SH3KBP1: variants seen among roughly 807,000 people sequenced by gnomAD.
SH3KBP1 encodes SH3 domain containing kinase binding protein 1.
SH3KBP1 carries 8 observed loss-of-function variants against 50.1 expected under a neutral mutation model. The ratio of observed to expected loss-of-function variants is 0.16; its 90% CI spans 0.09 to 0.29. The LOEUF is 0.29. Ranked by LOEUF, SH3KBP1 falls within the 10% of genes least tolerant of loss-of-function variation. The probability of loss-of-function intolerance (pLI) is 1.00; values close to 1 mark genes in which losing one functional copy is unlikely to be tolerated. For synonymous variants in SH3KBP1, 227 were observed against 218.6 expected (o/e 1.04, Z -0.34); for missense variants, 377 against 535.2 (o/e 0.70, Z 2.92).
At chrX:19,800,897 GC>G (rs780164324) in intron 2 of SH3KBP1, among the ~76,000 whole-genome samples, 70 of 111,047 alleles carry the variant, frequency 6.3e-4, no homozygotes, top group Non-Finnish European at 1.1e-3. Flanking sequence ...CATAAAAAAG[GC>G]CCCCAAGTGA....
intron 3 of SH3KBP1, among the ~76,000 whole-genome samples, chrX:19,739,693 C>A (rs2064710955): frequency 9.1e-6 from 1 of 109,625 alleles, no homozygotes; most frequent in Non-Finnish European, 1.9e-5. Flanking sequence ...AGCAAAAGGG[C>A]TAAAAAAATC....
chrX:19,573,915 A>C (rs1324557538), intron 12 of SH3KBP1, among the ~76,000 whole-genome samples: 1 of 111,479 alleles, frequency 9.0e-6, no homozygotes, highest in Non-Finnish European at 1.9e-5. Context: ...TTCATCAACA[A>C]AATGACTGGT....
At chrX:19,825,302 C>T (rs890530312) in intron 2 of SH3KBP1, among the ~76,000 whole-genome samples, 1 of 112,145 alleles carries the variant, frequency 8.9e-6, no homozygotes, top group Non-Finnish European at 1.9e-5. Context: ...ATTTAAAATG[C>T]AGACAGAAAT....
intron 2 of SH3KBP1, among the ~76,000 whole-genome samples, chrX:19,826,832 G>A (rs1188843663): frequency 1.8e-5 from 2 of 111,253 alleles, no homozygotes; most frequent in African/African-American, 3.3e-5. Context: ...CAAAATTAAT[G>A]GCCCTTGAGT....
chrX:19,775,286 C>T (rs1053235862), intron 2 of SH3KBP1, among the ~76,000 whole-genome samples: 31 of 111,990 alleles, frequency 2.8e-4, no homozygotes, highest in African/African-American at 8.8e-4. Flanking sequence ...GGAAAGCCGA[C>T]GACATCACAG....
intron 3 of SH3KBP1, among the ~76,000 whole-genome samples, chrX:19,724,193 A>C (rs1231171265): frequency 2.7e-5 from 3 of 111,114 alleles, no homozygotes; most frequent in Non-Finnish European, 5.7e-5. Context: ...TAAATCTAGA[A>C]AGTGTCAGTC....
At chrX:19,873,251 T>C (rs1182846074) in intron 1 of SH3KBP1, among the ~76,000 whole-genome samples, 2 of 102,029 alleles carry the variant, frequency 2.0e-5, no homozygotes, top group African/African-American at 7.3e-5. Flanking sequence ...CAAAGATGAC[T>C]ATGAAGTGGA....
Position 19,535,006 on chromosome X carries a change from GAA to G in SH3KBP1, c.*1409_*1410del, listed in dbSNP as rs2064671704. 1 of 295,977 alleles carries G rather than the reference GAA, an allele frequency of 3.4e-6. No individual in the cohort carries two copies. Among genetic ancestry groups the G allele is most frequent in the African/African-American group, 2.7e-5 (1 of 36,431 alleles). The allele number at this position is 295,977 out of a possible 1,213,427, so 24.4% of individuals were successfully genotyped here. On this transcript the variant is annotated 3_prime_UTR_variant, in exon 18 of 18. Coordinates refer to ENST00000397821, the MANE Select transcript of SH3KBP1 (RefSeq NM_031892.3). ...TTAGTAGTTTCACTATTAAACTCAG[GAA>G]AGAGACAAAGCAGCTTTTGAGAAAC...
At chrX:19,637,844 C>T (rs146535698) in intron 7 of SH3KBP1, among the ~76,000 whole-genome samples, 41 of 108,756 alleles carry the variant, frequency 3.8e-4, no homozygotes, top group African/African-American at 1.3e-3. Context: ...TTTGGGAGGC[C>T]GAGGCAGGCA....
At chrX:19,824,419 C>T (rs2067615394) in intron 2 of SH3KBP1, among the ~76,000 whole-genome samples, 1 of 111,563 alleles carries the variant, frequency 9.0e-6, no homozygotes, top group Non-Finnish European at 1.9e-5. Context: ...TTAGATCAAG[C>T]AGCAGAATCA....
At chrX:19,709,237 C>A (rs2063722371) in intron 3 of SH3KBP1, among the ~76,000 whole-genome samples, 1 of 111,949 alleles carries the variant, frequency 8.9e-6, no homozygotes, top group South Asian at 3.7e-4. Flanking sequence ...TAAAGTCCTA[C>A]AAAGCTCACT....
Position 19,534,656 on chromosome X carries a change from G to A in SH3KBP1, c.*1761C>T, listed in dbSNP as rs1221911090. 3.5e-5 allele frequency: 10 copies of A among 284,386 alleles called. No individual in the cohort carries two copies. The highest frequency in any genetic ancestry group is 5.5e-5 in the Non-Finnish European group (9 of 163,362). 23.4% of individuals were successfully genotyped at this position (284,386 alleles called of 1,213,427 possible). ...TGACCCCAAGCACACTGAACCCGAGGCTGCTGAAAAGGCAATATATCCAGG... is the reference window on the plus strand; with the variant it reads ...TGACCCCAAGCACACTGAACCCGAGACTGCTGAAAAGGCAATATATCCAGG... On this transcript the variant is annotated 3_prime_UTR_variant, in exon 18 of 18. Transcript: ENST00000397821.
At chrX:19,772,451 C>T (rs1026612898) in intron 2 of SH3KBP1, among the ~76,000 whole-genome samples, 8 of 110,931 alleles carry the variant, frequency 7.2e-5, no homozygotes, top group African/African-American at 2.6e-4. Flanking sequence ...AAAAATAAGG[C>T]CCAAACAGCC....
chrX:19,741,529 T>A (rs896049291), intron 3 of SH3KBP1, among the ~76,000 whole-genome samples: 1 of 111,886 alleles, frequency 8.9e-6, no homozygotes, highest in African/African-American at 3.3e-5. Flanking sequence ...CAAAAAATAG[T>A]AAATGTGCAA....
At chrX:19,780,240 C>T (rs1187725445) in intron 2 of SH3KBP1, among the ~76,000 whole-genome samples, 2 of 104,916 alleles carry the variant, frequency 1.9e-5, no homozygotes, top group Non-Finnish European at 3.9e-5. Flanking sequence ...TAAATGTCTT[C>T]TTTTGAGAAG....
chrX:19,844,202 G>A (rs184372572), intron 1 of SH3KBP1, among the ~76,000 whole-genome samples: 5 of 111,233 alleles, frequency 4.5e-5, no homozygotes, highest in Admixed American at 2.9e-4. Flanking sequence ...GGGCTTCCCC[G>A]ACATGCCCTC....
At chrX:19,683,725 C>T (rs1291052177) in intron 6 of SH3KBP1, 98 bp downstream of exon 6, 1 of 781,589 alleles carries the variant, frequency 1.3e-6, no homozygotes, top group African/African-American at 2.1e-5. Context: ...ACATGGAAAC[C>T]CTAAAAGAGG....
chrX:19,594,816 C>A, intron 10 of SH3KBP1, 133 bp downstream of exon 10: 1 of 493,880 alleles, frequency 2.0e-6, no homozygotes, highest in Non-Finnish European at 3.6e-6. Context: ...CTGCTGAGAC[C>A]AAATCGTAAC....
At chrX:19,868,158 C>T (rs1245835406) in intron 1 of SH3KBP1, among the ~76,000 whole-genome samples, 1 of 111,971 alleles carries the variant, frequency 8.9e-6, no homozygotes, top group East Asian at 2.8e-4. Flanking sequence ...CTAGTGTGGG[C>T]TTTTGTTATT....
Sources: gnomAD v4.1 joint callset for allele counts (sites outside exome capture counted in the v4.1 genomes callset) on GRCh38, gnomAD v4.1.1 for gene constraint, MANE v1.5 for transcripts, NCBI Gene and HGNC (gene_info 2026-07-23, HGNC 2026-07-21) for gene names.